The following PRUNE2 variants were observed in gnomAD, a reference collection of about 807,000 sequenced individuals.
PRUNE2 encodes protein prune homolog 2.
In PRUNE2, 164 loss-of-function variants were observed where a neutral mutation model predicts 252.0. That is an observed-to-expected ratio of 0.65 (90% CI 0.57 to 0.74). The LOEUF is 0.74. PRUNE2 is among the 30% of genes least tolerant of loss of function. The pLI is 0.00. For synonymous variants in PRUNE2, 1,292 were observed against 1,350.2 expected, an observed-to-expected ratio of 0.96 and a Z score of 0.94; for missense variants, 3,495 against 3,711.0, an observed-to-expected ratio of 0.94 and a Z score of 1.51.
intron 1 of PRUNE2, among the ~76,000 whole-genome samples, chr9:76,866,361 G>A (rs2060838703): frequency 6.6e-6 from 1 of 152,250 alleles, no homozygotes; most frequent in African/African-American, 2.4e-5. Context: ...TTTGCCCTTA[G>A]GCACTGATTT....
chr9:76,768,898 C>T (rs79708259), intron 6 of PRUNE2, among the ~76,000 whole-genome samples: 7,934 of 152,194 alleles, frequency 0.052, 251 homozygotes, highest in East Asian at 0.088. Context: ...ACCAAAAACG[C>T]TGTACTTTAT....
In PRUNE2 at chr9:76,854,153, T is replaced by C. The variant is rs1470365041; in HGVS notation, c.92A>G (p.Asp31Gly). 2 of 1,605,898 alleles carry C rather than the reference T, an allele frequency of 1.2e-6. No individual in the cohort carries two copies. Among genetic ancestry groups the C allele is most frequent in the Admixed American group, 3.3e-5 (2 of 59,802 alleles). The change falls in exon 2 of 19, where the codon GAC becomes GGC. Residue 31 changes from aspartate (D) to glycine (G), a missense_variant. Physicochemically the swap from Asp to Gly is moderately conservative, Grantham distance 94. Coordinates refer to ENST00000376718, the MANE Select transcript of PRUNE2 (RefSeq NM_015225.3). ...VHVVIGPKSC[D>G]LDSLISTFTY... ...GAAGGTAGAAATGAGAGAATCCAAG[T>C]CACACGATTTAGGCCCAATAACCAC...
In PRUNE2 at chr9:76,713,700, T is replaced by C; in HGVS notation, c.778A>G (p.Ile260Val). The change falls in exon 7 of 19, where the codon ATT becomes GTT. Residue 260 changes from isoleucine (I) to valine (V), a missense_variant. Transcript: ENST00000376718. ...GTAAATGCTTTCAAGTCACTGGTAA[T>C]ATTGCTGTGAAATAGACAATTCTGA... Reference protein sequence around the residue: ...NLENCLFHSNITSDLKAFTDK... With the variant: ...NLENCLFHSNVTSDLKAFTDK... 1 of 1,598,224 alleles carries C rather than the reference T, an allele frequency of 6.3e-7. No individual in the cohort carries two copies. Among genetic ancestry groups the C allele is most frequent in the Non-Finnish European group, 8.5e-7 (1 of 1,171,720 alleles).
At chr9:76,739,154 C>T (rs149005100) in intron 6 of PRUNE2, 1 of 152,124 alleles carries the variant, frequency 6.6e-6, no homozygotes, top group Non-Finnish European at 1.5e-5. Context: ...CCACAAAGAA[C>T]ACCAAACTGC....
rs1436997357 is a variant in PRUNE2, at chr9:76,817,782, T to C, written c.756+5850A>G. ...ACCTTCACCAATACAGGGGTAATCATAGTACCTTTTACTGGGAGGATTAAG... is the reference window on the plus strand; with the variant it reads ...ACCTTCACCAATACAGGGGTAATCACAGTACCTTTTACTGGGAGGATTAAG... On this transcript the variant is annotated intron_variant, in intron 6 of 18. Transcript: ENST00000376718. 4.6e-5 allele frequency: 7 copies of C among 152,200 alleles called. No individual in the cohort carries two copies. The South Asian group carries it at 8.3e-4, about 18-fold the overall frequency. 9.4% of individuals were successfully genotyped at this position (152,200 alleles called of 1,614,324 possible).
At chr9:76,674,339 A>G (rs2042103279) in intron 9 of PRUNE2, among the ~76,000 whole-genome samples, 1 of 152,242 alleles carries the variant, frequency 6.6e-6, no homozygotes, top group Non-Finnish European at 1.5e-5. Flanking sequence ...CTAGGAATCC[A>G]ACTTACAAGG....
chr9:76,897,381 G>A (rs937793479), intron 1 of PRUNE2, among the ~76,000 whole-genome samples: 9 of 132,974 alleles, frequency 6.8e-5, no homozygotes, highest in South Asian at 5.1e-4. Context: ...TGCAACCTTA[G>A]GCAAACCTCT....
chr9:76,702,610 T>TGAATGAATGAAC (rs1554707056), intron 9 of PRUNE2, among the ~76,000 whole-genome samples: 3 of 9,244 alleles, frequency 3.2e-4, no homozygotes, highest in Non-Finnish European at 7.1e-4. Context: ...AACCACATGG[T>TGAATGAATGAAC]GAATGAATGA....
At chr9:76,729,744 G>T (rs1445100151) in intron 6 of PRUNE2, among the ~76,000 whole-genome samples, 3 of 151,948 alleles carry the variant, frequency 2.0e-5, no homozygotes, top group African/African-American at 7.3e-5. Flanking sequence ...TAGAACCAAG[G>T]TCTTTTAAAG....
intron 1 of PRUNE2, among the ~76,000 whole-genome samples, chr9:76,893,142 G>A (rs950058177): frequency 6.6e-6 from 1 of 152,208 alleles, no homozygotes; most frequent in Admixed American, 6.5e-5. Flanking sequence ...CTACTTGGGA[G>A]GCTGAGGTGG....
rs534549853 is a variant in PRUNE2, at chr9:76,879,226, A to T, written c.37-25018T>A. On this transcript the variant is annotated intron_variant, in intron 1 of 18. Coordinates refer to ENST00000376718, the MANE Select transcript of PRUNE2 (RefSeq NM_015225.3). ...GTGGTCTGTATGAGAGAGACAGAGA[A>T]AGAAAACAGACAGAAAGAGATGTTT... Among the ~76,000 whole-genome samples the T allele has an allele frequency of 2.0e-5, 3 of 152,360 alleles. No individual in the cohort carries two copies. In the East Asian group the frequency reaches 5.8e-4, roughly 29 times the overall value.
chr9:76,720,194 T>A (rs931204696), intron 6 of PRUNE2, among the ~76,000 whole-genome samples: 11 of 152,236 alleles, frequency 7.2e-5, no homozygotes, highest in African/African-American at 2.7e-4. Context: ...TGGAAGATAA[T>A]TTTTATAACC....
Position 76,646,656 on chromosome 9 carries a change from G to A in PRUNE2, c.8558-1747C>T, listed in dbSNP as rs1039423049. Reference sequence around the variant, plus strand: ...GATGCTAATCTTATATCCCTTCCTGGAACTCAATTTCCCATCTGGTCTCTA... The same window carrying A: ...GATGCTAATCTTATATCCCTTCCTGAAACTCAATTTCCCATCTGGTCTCTA... On this transcript the variant is annotated intron_variant, in intron 11 of 18. Transcript: ENST00000376718. 3.3e-5 allele frequency among the ~76,000 whole-genome samples: 5 copies of A among 152,066 alleles called. No homozygotes were observed. The East Asian group carries it at 9.6e-4, about 29-fold the overall frequency.
At chr9:76,893,224 A>G (rs2062597370) in intron 1 of PRUNE2, among the ~76,000 whole-genome samples, 1 of 151,594 alleles carries the variant, frequency 6.6e-6, no homozygotes. Context: ...CAGCCTGCGT[A>G]ACAGAAGGAG....
intron 9 of PRUNE2, among the ~76,000 whole-genome samples, chr9:76,681,341 C>T (rs909184307): frequency 4.6e-5 from 7 of 151,240 alleles, no homozygotes; most frequent in Non-Finnish European, 7.4e-5. Flanking sequence ...GAAATGAAAA[C>T]GTTCTGGAGA....
Position 76,708,751 on chromosome 9 carries a change from A to G in PRUNE2, c.3523T>C (p.Trp1175Arg), listed in dbSNP as rs1161669883. ...TTTGCTTCCTGATACTCCAAGCCCC[A>G]GGGTTCCAGCTGTCTCACTGTAAAT... ...TRFTVRQLEP[W>R]GLEYQEANQV... is the part of the protein sequence containing the mutation. The change falls in exon 8 of 19, where the codon TGG becomes CGG. Residue 1175 changes from tryptophan to arginine, a missense_variant. Physicochemically the swap from Trp to Arg is moderately radical, Grantham distance 101. Transcript: ENST00000376718. 1 of 1,613,990 alleles carries G rather than the reference A, an allele frequency of 6.2e-7. No homozygotes were observed. Among genetic ancestry groups the G allele is most frequent in the Non-Finnish European group, 8.5e-7 (1 of 1,179,882 alleles).
intron 1 of PRUNE2, among the ~76,000 whole-genome samples, chr9:76,880,287 GA>G: frequency 6.6e-6 from 1 of 152,134 alleles, no homozygotes; most frequent in Admixed American, 6.5e-5. Context: ...TCACTGTGAG[GA>G]ATCAAAGTCC....
In PRUNE2 at chr9:76,741,460, G is replaced by A. The variant is rs541466384; in HGVS notation, c.757-27739C>T. Among the ~76,000 whole-genome samples the A allele has an allele frequency of 7.2e-5, 11 of 152,316 alleles. No individual in the cohort carries two copies. In the South Asian group the frequency reaches 2.3e-3, roughly 32 times the overall value. On this transcript the variant is annotated intron_variant, in intron 6 of 18. Transcript: ENST00000376718. The stretch of plus-strand genomic sequence containing the variant: ...TAGGGAAAAGGAGTCAGGCTGGTGG[G>A]ACCAGGGGAAAGCAAAGAGATAAAG...
Position 76,871,565 on chromosome 9 carries a change from C to T in PRUNE2, c.37-17357G>A, listed in dbSNP as rs151307787. On this transcript the variant is annotated intron_variant, in intron 1 of 18. Coordinates refer to ENST00000376718, the MANE Select transcript of PRUNE2 (RefSeq NM_015225.3). Reference sequence around the variant, plus strand: ...AGCCCTTCCTCACTCTATCTGCTAGCCATTTTATATGTGTTTTTAAACTTA... The same window carrying T: ...AGCCCTTCCTCACTCTATCTGCTAGTCATTTTATATGTGTTTTTAAACTTA... Among the ~76,000 whole-genome samples the T allele has an allele frequency of 2.0e-5, 3 of 152,308 alleles. No individual in the cohort carries two copies. The East Asian group carries it at 5.8e-4, about 29-fold the overall frequency.
Sources: allele counts gnomAD v4.1 joint callset (sites outside exome capture counted in the v4.1 genomes callset), GRCh38; gene constraint gnomAD v4.1.1; transcripts MANE v1.5; gene names NCBI Gene and HGNC (gene_info 2026-07-23, HGNC 2026-07-21).